SPAG16: variants seen among roughly 807,000 people sequenced by gnomAD.
SPAG16 encodes the protein sperm associated antigen 16.
A neutral mutation model predicts 80.4 loss-of-function variants in SPAG16; 86 were observed. The observed-to-expected ratio is 1.07, with a 90% CI of 0.90 to 1.28. The LOEUF (loss-of-function observed/expected upper bound fraction) is 1.28. SPAG16 is among the 50% of genes most tolerant of loss of function. The pLI, the probability that SPAG16 is intolerant of heterozygous loss-of-function variation, is 0.00. For missense variants in SPAG16, 870 were observed against 765.3 expected (o/e 1.14, Z -1.61); for synonymous variants, 294 against 265.9 (o/e 1.11, Z -1.03).
chr2:213,858,682 G>A (rs2075281884), intron 10 of SPAG16, among the ~76,000 whole-genome samples: 2 of 152,034 alleles, frequency 1.3e-5, no homozygotes, highest in Admixed American at 1.3e-4. Flanking sequence ...ATGCAATGTT[G>A]GGAAGAGGAA....
intron 10 of SPAG16, among the ~76,000 whole-genome samples, chr2:213,855,021 G>C (rs1299216414): frequency 1.3e-5 from 2 of 152,108 alleles, no homozygotes; most frequent in Admixed American, 1.3e-4. Context: ...TTTACTCTCT[G>C]GTCCTTTTCA....
intron 10 of SPAG16, among the ~76,000 whole-genome samples, chr2:213,772,729 GA>G (rs111805726): frequency 0.023 from 3,536 of 152,132 alleles, 136 homozygotes; most frequent in African/African-American, 0.079. Context: ...GGCTACTTTA[GA>G]ATCAACTTGT....
chr2:213,541,531 G>T (rs991989631), intron 10 of SPAG16, among the ~76,000 whole-genome samples: 21 of 152,096 alleles, frequency 1.4e-4, no homozygotes, highest in Non-Finnish European at 2.1e-4. Flanking sequence ...GAGGCAAGAG[G>T]ATAGCTCGAA....
rs1283731779 is a variant in SPAG16, at chr2:214,227,697, GGTGTATGT to G, written c.1720+78436_1720+78443del. ...ATTAATAAATTTCTTTCTTGTGGAA[GGTGTATGT>G]GTGTGTGTGTGTGTGTGTGTGTGTG... is the stretch of plus-strand genomic sequence containing the variant. On this transcript the variant is annotated intron_variant, in intron 15 of 15. Coordinates refer to ENST00000331683, the MANE Select transcript of SPAG16 (RefSeq NM_024532.5). Among the ~76,000 whole-genome samples the G allele has an allele frequency of 4.1e-5, 3 of 73,944 alleles. No individual in the cohort carries two copies. In the South Asian group the frequency reaches 1.6e-3, roughly 39 times the overall value. 48.5% of individuals were successfully genotyped at this position (73,944 alleles called of 152,430 possible). A position where few individuals can be genotyped will look rare whatever the true frequency, so the allele number is the denominator to read the frequency against.
At chr2:213,702,482 C>A in intron 10 of SPAG16, among the ~76,000 whole-genome samples, 1 of 152,166 alleles carries the variant, frequency 6.6e-6, no homozygotes, top group Non-Finnish European at 1.5e-5. Context: ...CCAAAAGGAA[C>A]AAACAACTCC....
chr2:213,468,367 A>ATG (rs1553538614), intron 9 of SPAG16, among the ~76,000 whole-genome samples: 1 of 144,604 alleles, frequency 6.9e-6, no homozygotes, highest in Non-Finnish European at 1.5e-5. Flanking sequence ...ATATATATAT[A>ATG]TCTCTCTCTA....
chr2:214,212,459 C>T (rs2125752078), intron 15 of SPAG16, among the ~76,000 whole-genome samples: 1 of 152,256 alleles, frequency 6.6e-6, no homozygotes, highest in Admixed American at 6.5e-5. Context: ...GTTCACAGAA[C>T]TTGGCACTAC....
At chr2:213,923,628 A>G (rs1005374584) in intron 11 of SPAG16, among the ~76,000 whole-genome samples, 1 of 152,068 alleles carries the variant, frequency 6.6e-6, no homozygotes, top group African/African-American at 2.4e-5. Flanking sequence ...TGTCTGCCCT[A>G]CCAGCTGGGT....
At chr2:213,358,389 T>G (rs368962274) in intron 7 of SPAG16, among the ~76,000 whole-genome samples, 8 of 152,318 alleles carry the variant, frequency 5.3e-5, no homozygotes, top group African/African-American at 1.4e-4. Context: ...CACTTTCAGG[T>G]ACACCAATCA....
At chr2:214,331,591 G>T (rs967921147) in intron 15 of SPAG16, among the ~76,000 whole-genome samples, 1 of 152,122 alleles carries the variant, frequency 6.6e-6, no homozygotes, top group African/African-American at 2.4e-5. Context: ...TATCCACTGG[G>T]AACAAAGCAC....
intron 12 of SPAG16, among the ~76,000 whole-genome samples, chr2:213,964,071 A>T (rs1302001474): frequency 1.3e-5 from 2 of 152,152 alleles, no homozygotes; most frequent in Admixed American, 6.5e-5. Context: ...GTTGATAAAA[A>T]TATTGTGGCC....
Position 214,170,303 on chromosome 2 carries a change from ATAAAT to A in SPAG16, c.1720+21042_1720+21046del, listed in dbSNP as rs2056829725. Reference sequence around the variant, plus strand: ...GTACATATACATACACATATAAGATATAAATTAAAATAAAATTAATTAAATATATA... The same window carrying A: ...GTACATATACATACACATATAAGATATAAAATAAAATTAATTAAATATATA... On this transcript the variant is annotated intron_variant, in intron 15 of 15. Transcript: ENST00000331683. Among the ~76,000 whole-genome samples, 3 of 147,148 alleles carry A rather than the reference ATAAAT, an allele frequency of 2.0e-5. No homozygotes were observed. The South Asian group carries it at 6.4e-4, about 31-fold the overall frequency.
At chr2:213,831,034 CTTTTTT>C (rs34523016) in intron 10 of SPAG16, among the ~76,000 whole-genome samples, 2 of 80,796 alleles carry the variant, frequency 2.5e-5, no homozygotes, top group Non-Finnish European at 2.4e-5. Context: ...TGAAACATGA[CTTTTTT>C]TTTTTTTTTT....
At chr2:213,883,656 A>G (rs527436248) in intron 11 of SPAG16, among the ~76,000 whole-genome samples, 36 of 151,508 alleles carry the variant, frequency 2.4e-4, no homozygotes, top group African/African-American at 8.0e-4. Context: ...ACCTTTTGAT[A>G]TGCCAAGAAG....
At chr2:213,468,534 G>GATAT (rs4055801) in intron 9 of SPAG16, among the ~76,000 whole-genome samples, 2 of 118,820 alleles carry the variant, frequency 1.7e-5, no homozygotes, top group Non-Finnish European at 3.4e-5. Context: ...TTTATATATA[G>GATAT]ATATATATAT....
At chr2:213,422,260 G>A (rs569678694) in intron 9 of SPAG16, 22 of 702,128 alleles carry the variant, frequency 3.1e-5, no homozygotes, top group Non-Finnish European at 4.9e-5. Flanking sequence ...GCATCCAGAC[G>A]CCACTGAATT....
intron 5 of SPAG16, among the ~76,000 whole-genome samples, chr2:213,326,799 A>C (rs1019132554): frequency 3.3e-5 from 5 of 152,028 alleles, no homozygotes; most frequent in Non-Finnish European, 4.4e-5. Flanking sequence ...CAATAAACTC[A>C]TTATTAAATG....
intron 15 of SPAG16, among the ~76,000 whole-genome samples, chr2:214,284,452 T>C (rs982644445): frequency 6.6e-6 from 1 of 152,232 alleles, no homozygotes; most frequent in African/African-American, 2.4e-5. Flanking sequence ...TGGTTGAGCA[T>C]TAAATATTAT....
chr2:214,057,348 A>G (rs561791914), intron 13 of SPAG16, among the ~76,000 whole-genome samples: 46 of 152,230 alleles, frequency 3.0e-4, no homozygotes, highest in Non-Finnish European at 5.9e-4. Flanking sequence ...AAACAACACT[A>G]ATCTCCAATA....
Sources: allele counts gnomAD v4.1 joint callset (sites outside exome capture counted in the v4.1 genomes callset), GRCh38; gene constraint gnomAD v4.1.1; transcripts MANE v1.5; gene names NCBI Gene and HGNC (gene_info 2026-07-23, HGNC 2026-07-21).